Variants in CYB5R2 observed in about 807,000 individuals in gnomAD.
CYB5R2 encodes NADH-cytochrome b5 reductase 2.
A neutral mutation model predicts 29.8 loss-of-function variants in CYB5R2; 35 were observed. The ratio of observed to expected loss-of-function variants is 1.17; its 90% CI spans 0.90 to 1.56. The LOEUF is 1.56. Among genes scored for constraint, CYB5R2 ranks in the 40% most tolerant of loss-of-function variants. The pLI is 0.00. For synonymous variants in CYB5R2, 169 were observed against 130.6 expected, an observed-to-expected ratio of 1.29 and a Z score of -2.01; for missense variants, 419 against 346.7, an observed-to-expected ratio of 1.21 and a Z score of -1.66.
chr11:7,669,832 C>T (rs879630756), intron 3 of CYB5R2, 101 bp from the exon 4 acceptor site: 1 of 844,722 alleles, frequency 1.2e-6, no homozygotes, highest in Non-Finnish European at 2.0e-6. Context: ...ATACTGGGGG[C>T]ACAATGTTAA....
rs571224713 is a variant in CYB5R2 at position 7,665,108 on chromosome 11, T to C, written c.*266A>G. 473 of 303,628 alleles carry C rather than the reference T, an allele frequency of 1.6e-3. 1 individual carries two copies. The highest frequency in any genetic ancestry group is 2.2e-3 in the Non-Finnish European group (362 of 163,980). The allele number at this position is 303,628 out of a possible 1,614,324, so 18.8% of individuals were successfully genotyped here. On this transcript the variant is annotated 3_prime_UTR_variant, in exon 9 of 9. Coordinates refer to ENST00000299498, the MANE Select transcript of CYB5R2 (RefSeq NM_016229.5). ...AGCCACACTTCATGGGCTGTCTGCT[T>C]TGTACTTGAGTTTATTTCACAAAAC...
At position 7,665,982 on chromosome 11, in the gene CYB5R2, C is replaced by T. The variant is rs138490640; in HGVS notation, c.659-436G>A. 500 of 1,415,064 alleles carry T rather than the reference C, an allele frequency of 3.5e-4. 3 individuals carry two copies. In the East Asian group the frequency reaches 8.4e-3, roughly 24 times the overall value. The allele number at this position is 1,415,064 out of a possible 1,614,324, so 87.7% of individuals were successfully genotyped here. A position where few individuals can be genotyped will look rare whatever the true frequency, so the allele number is the denominator to read the frequency against. On this transcript the variant is annotated intron_variant, in intron 8 of 8. Transcript: ENST00000299498. ...ACAGCCGGGAGCAGTGTGAGAGGCG[C>T]GCCTGTGGGGTGCTCTGTGCACAGT...
chr11:7,668,209 A>G (rs1855460992), intron 6 of CYB5R2, among the ~76,000 whole-genome samples: 1 of 152,164 alleles, frequency 6.6e-6, no homozygotes, highest in South Asian at 2.1e-4. Flanking sequence ...TGGATCTAGG[A>G]GCCCCTGGGA....
intron 3 of CYB5R2, 84 bp from the exon 4 acceptor site, chr11:7,669,815 G>T (rs1436321703): frequency 1.0e-6 from 1 of 993,628 alleles, no homozygotes; most frequent in East Asian, 2.5e-5. Flanking sequence ...TTCAGTGAAG[G>T]GAGCAAATAC....
At position 7,666,324 on chromosome 11, in the gene CYB5R2, A is replaced by G. The variant is rs548072136; in HGVS notation, c.658+127T>C. On this transcript the variant is annotated intron_variant, in intron 8 of 8. Coordinates refer to ENST00000299498, the MANE Select transcript of CYB5R2 (RefSeq NM_016229.5). ...TCTCACATTTCCCATCTGGAGCCAG[A>G]GCCCCAGGCTTAACCCCCACATCTG... The G allele has an allele frequency of 4.6e-6, 3 of 650,660 alleles. No individual in the cohort carries two copies. In the Admixed American group the frequency reaches 8.5e-5, roughly 18 times the overall value. 40.3% of individuals were successfully genotyped at this position (650,660 alleles called of 1,614,324 possible).
Position 7,672,772 on chromosome 11 carries a change from G to C in CYB5R2, c.54C>G (p.Tyr18Ter). Reference sequence around the variant, plus strand: ...CCTCTTTCTCAATCAAGGGCAGCGGGTACTTGGCTTCAGGGTCCTGTAAGG... The same window carrying C: ...CCTCTTTCTCAATCAAGGGCAGCGGCTACTTGGCTTCAGGGTCCTGTAAGG... ...PITLQDPEAKYPLPLIEKEKI... is the reference protein window; with the variant it reads ...PITLQDPEAK The change falls in exon 2 of 9, where the codon TAC becomes TAG. Residue 18 changes from tyrosine (Y) to a stop codon, truncating the protein, a stop_gained. Coordinates refer to ENST00000299498, the MANE Select transcript of CYB5R2 (RefSeq NM_016229.5). LOFTEE classifies it high-confidence loss of function. 1 of 1,614,176 alleles carries C rather than the reference G, an allele frequency of 6.2e-7. No homozygotes were observed. Among genetic ancestry groups the C allele is most frequent in the Non-Finnish European group, 8.5e-7 (1 of 1,180,030 alleles).
chr11:7,669,803 G>A lies in CYB5R2; in HGVS notation c.152-72C>T. The A allele has an allele frequency of 2.7e-6, 3 of 1,125,764 alleles. No homozygotes were observed. The South Asian group carries it at 3.8e-5, about 14-fold the overall frequency. 69.7% of individuals were successfully genotyped at this position (1,125,764 alleles called of 1,614,324 possible). On this transcript the variant is annotated intron_variant, in intron 3 of 8. Transcript: ENST00000299498. Reference sequence around the variant, plus strand: ...ATAAGGCCCAGGAATAAAGGACTGAGCTTCAGTGAAGGGAGCAAATACTGG... The same window carrying A: ...ATAAGGCCCAGGAATAAAGGACTGAACTTCAGTGAAGGGAGCAAATACTGG...
Position 7,669,347 on chromosome 11 carries a change from GC to G in CYB5R2, c.259-14del, listed in dbSNP as rs1855575339. On this transcript the variant is annotated splice_polypyrimidine_tract_variant and intron_variant, in intron 4 of 8. Transcript: ENST00000299498. The stretch of plus-strand genomic sequence containing the variant: ...TTTTGAAGTAGATCTGAAAAGCAAG[GC>G]AGCACTGCTTTCACATTCCCAGACA... 1 of 1,603,176 alleles carries G rather than the reference GC, an allele frequency of 6.2e-7. No individual in the cohort carries two copies. Among genetic ancestry groups the G allele is most frequent in the Admixed American group, 1.7e-5 (1 of 59,044 alleles).
At chr11:7,673,215 G>T in intron 1 of CYB5R2, 1 of 424,808 alleles carries the variant, frequency 2.4e-6, no homozygotes, top group Non-Finnish European at 3.8e-6. Context: ...TCCCTTCCTT[G>T]AGGTGAAGGG....
At chr11:7,667,333 GA>G (rs200214286) in intron 7 of CYB5R2, 45 of 145,936 alleles carry the variant, frequency 3.1e-4, no homozygotes, top group Middle Eastern at 3.5e-3. Context: ...AATGCTGAGT[GA>G]AAAAAAAAAA....
At chr11:7,666,768 A>G in intron 7 of CYB5R2, 1 of 439,798 alleles carries the variant, frequency 2.3e-6, no homozygotes, top group South Asian at 2.5e-5. Flanking sequence ...AAGAACCTCC[A>G]TGGGATGTAG....
chr11:7,672,622 G>GCACACACACACACACA lies in CYB5R2; in HGVS notation c.78+110_79-100dup, dbSNP rs57207415. Reference sequence around the variant, plus strand: ...AGGAGGTCCGTTTGGCGCTATTCCAGCACACACACACACACACACAGGGCG... The same window carrying GCACACACACACACACA: ...AGGAGGTCCGTTTGGCGCTATTCCAGCACACACACACACACACACACACACACACACACACAGGGCG... On this transcript the variant is annotated intron_variant, in intron 2 of 8. Coordinates refer to ENST00000299498, the MANE Select transcript of CYB5R2 (RefSeq NM_016229.5). 5.9e-5 allele frequency: 73 copies of GCACACACACACACACA among 1,237,316 alleles called. No individual in the cohort carries two copies. The African/African-American group carries it at 8.9e-4, about 15-fold the overall frequency. The allele number at this position is 1,237,316 out of a possible 1,614,324, so 76.6% of individuals were successfully genotyped here. A position where few individuals can be genotyped will look rare whatever the true frequency, so the allele number is the denominator to read the frequency against.
At position 7,665,331 on chromosome 11, in the gene CYB5R2, C is replaced by A. The variant is rs994621104; in HGVS notation, c.*43G>T. 10 of 1,437,976 alleles carry A rather than the reference C, an allele frequency of 7.0e-6. No homozygotes were observed. Among genetic ancestry groups the A allele is most frequent in the African/African-American group, 1.4e-5 (1 of 69,800 alleles). 89.1% of individuals were successfully genotyped at this position (1,437,976 alleles called of 1,614,324 possible). A position where few individuals can be genotyped will look rare whatever the true frequency, so the allele number is the denominator to read the frequency against. ...TGGTGAAATTGAACTTACTCTGAAA[C>A]AGATGAAAAGGGACATGCAAAATTG... On this transcript the variant is annotated 3_prime_UTR_variant, in exon 9 of 9. Coordinates refer to ENST00000299498, the MANE Select transcript of CYB5R2 (RefSeq NM_016229.5).
chr11:7,673,217 G>T, intron 1 of CYB5R2: 1 of 429,244 alleles, frequency 2.3e-6, no homozygotes, highest in Non-Finnish European at 3.7e-6. Flanking sequence ...CCTTCCTTGA[G>T]GTGAAGGGGG....
In CYB5R2 at chr11:7,668,528, T is replaced by C; in HGVS notation, c.422A>G (p.Glu141Gly). 1 of 1,614,044 alleles carries C rather than the reference T, an allele frequency of 6.2e-7. No homozygotes were observed. Among genetic ancestry groups the C allele is most frequent in the Non-Finnish European group, 8.5e-7 (1 of 1,179,970 alleles). ...NLGIRPDQTSEPKKTLADHLG... is the reference protein window; with the variant it reads ...NLGIRPDQTSGPKKTLADHLG... ...GTGATCGGCCAGTGTTTTTTTAGGCTCACTCGTCTGGTCTGGTCTGATTCC... is the reference window on the plus strand; with the variant it reads ...GTGATCGGCCAGTGTTTTTTTAGGCCCACTCGTCTGGTCTGGTCTGATTCC... Residue 141 changes from glutamate to glycine, a missense_variant, in exon 6 of 9, where the codon GAG (glutamate) becomes GGG (glycine). Glu to Gly is a moderately conservative substitution (Grantham distance 98). Transcript: ENST00000299498.
chr11:7,667,900 C>G (rs771250423), intron 6 of CYB5R2, 87 bp from the exon 7 acceptor site: 2 of 1,060,776 alleles, frequency 1.9e-6, no homozygotes, highest in Non-Finnish European at 2.9e-6. Context: ...TACCTTCCCC[C>G]AGCCCAAGTT....
chr11:7,668,984 C>A, intron 5 of CYB5R2: 1 of 681,624 alleles, frequency 1.5e-6, no homozygotes, highest in Non-Finnish European at 2.7e-6. Flanking sequence ...GATACAATGA[C>A]GAGGAAACAC....
intron 7 of CYB5R2, chr11:7,667,180 T>C (rs920270429): frequency 6.6e-6 from 1 of 152,210 alleles, no homozygotes; most frequent in African/African-American, 2.4e-5. Context: ...TAATCAAGCG[T>C]AGGCACAATT....
At chr11:7,674,198 AGC>A, upstream of CYB5R2, 1 of 1,264,744 alleles carries the variant, frequency 7.9e-7, no homozygotes, top group Non-Finnish European at 1.0e-6. Context: ...AGCTGCAAAG[AGC>A]GCGCGAATAT....
Sources: allele counts gnomAD v4.1 joint callset (sites outside exome capture counted in the v4.1 genomes callset), GRCh38; gene constraint gnomAD v4.1.1; transcripts MANE v1.5; gene names NCBI Gene and HGNC (gene_info 2026-07-23, HGNC 2026-07-21).